CTTNBP2: variants seen among roughly 807,000 people sequenced by gnomAD.
CTTNBP2 encodes cortactin-binding protein 2.
A neutral mutation model predicts 156.9 loss-of-function variants in CTTNBP2; 108 were observed. The observed-to-expected ratio is 0.69, with a 90% CI of 0.59 to 0.81. The LOEUF is 0.81. CTTNBP2 is among the 30% of genes least tolerant of loss of function. The pLI is 0.00. For synonymous variants in CTTNBP2, 767 were observed against 751.8 expected (o/e 1.02, Z -0.33); for missense variants, 1,924 against 2,035.4 (o/e 0.95, Z 1.05).
rs140689749 is a variant in CTTNBP2 at position 117,768,033 on chromosome 7, G to A, written c.2779-857C>T. On this transcript the variant is annotated intron_variant, in intron 8 of 22. Transcript: ENST00000160373. ...AGGAGAAAAATGAATAGACCAGAAA[G>A]CATGAAAAGGAACTAATAACCAAAA... is the stretch of plus-strand genomic sequence containing the variant. Among the ~76,000 whole-genome samples, 13 of 151,890 alleles carry A rather than the reference G, an allele frequency of 8.6e-5. No homozygotes were observed. In the East Asian group the frequency reaches 2.5e-3, roughly 29 times the overall value.
Position 117,746,118 on chromosome 7 carries a change from G to A in CTTNBP2, c.3349-19C>T. ...GCTCAACCTATTAACAAACCAAGTA[G>A]AGAGCTAGGGTGAAGATGCTAAATT... On this transcript the variant is annotated intron_variant, in intron 12 of 22. Coordinates refer to ENST00000160373, the MANE Select transcript of CTTNBP2 (RefSeq NM_033427.3). 1 of 1,572,352 alleles carries A rather than the reference G, an allele frequency of 6.4e-7. No individual in the cohort carries two copies. The highest frequency in any genetic ancestry group is 1.1e-5 in the South Asian group (1 of 89,924).
chr7:117,810,472 C>T (rs975141083), intron 3 of CTTNBP2, among the ~76,000 whole-genome samples: 2 of 152,046 alleles, frequency 1.3e-5, no homozygotes, highest in African/African-American at 4.8e-5. Context: ...CTAGAAGGCA[C>T]TAGGAAGTCC....
chr7:117,807,075 T>C (rs773009790), intron 3 of CTTNBP2, among the ~76,000 whole-genome samples: 8 of 152,078 alleles, frequency 5.3e-5, no homozygotes, highest in Non-Finnish European at 7.4e-5. Flanking sequence ...TCTATCTACA[T>C]GGATCAGGCA....
At chr7:117,796,500 A>C (rs1799324658) in intron 3 of CTTNBP2, among the ~76,000 whole-genome samples, 1 of 152,204 alleles carries the variant, frequency 6.6e-6, no homozygotes, top group African/African-American at 2.4e-5. Context: ...AGAGAATAAG[A>C]GATGTAGTAC....
At chr7:117,738,008 A>C (rs188409382) in intron 14 of CTTNBP2, among the ~76,000 whole-genome samples, 70 of 152,312 alleles carry the variant, frequency 4.6e-4, no homozygotes, top group African/African-American at 1.7e-3. Context: ...GGTGAGCTAA[A>C]AGCTGATCCA....
intron 2 of CTTNBP2, among the ~76,000 whole-genome samples, chr7:117,849,594 A>C (rs1802811496): frequency 6.6e-6 from 1 of 152,052 alleles, no homozygotes; most frequent in African/African-American, 2.4e-5. Context: ...CCATCAGTCC[A>C]TACCCCTGTG....
At chr7:117,770,998 G>C (rs182905324) in intron 8 of CTTNBP2, among the ~76,000 whole-genome samples, 2 of 152,322 alleles carry the variant, frequency 1.3e-5, no homozygotes, top group East Asian at 3.9e-4. Flanking sequence ...TTAGGCCTCA[G>C]CTTTCACATG....
chr7:117,786,460 A>G (rs1240632816), intron 4 of CTTNBP2: 2 of 439,826 alleles, frequency 4.5e-6, no homozygotes, highest in Non-Finnish European at 9.1e-6. Context: ...AAACAGGCCC[A>G]CAAAAATTAA....
intron 1 of CTTNBP2, among the ~76,000 whole-genome samples, chr7:117,867,942 TA>T (rs1283434531): frequency 6.6e-6 from 1 of 152,146 alleles, no homozygotes; most frequent in African/African-American, 2.4e-5. Context: ...TGGATGTAAC[TA>T]ATTTTAGCTG....
At chr7:117,819,619 C>T (rs1350733808) in intron 2 of CTTNBP2, among the ~76,000 whole-genome samples, 4 of 152,116 alleles carry the variant, frequency 2.6e-5, no homozygotes, top group Admixed American at 2.6e-4. Flanking sequence ...TCAGACACTG[C>T]ATCTGTGTGT....
chr7:117,867,099 G>T (rs886837444), intron 1 of CTTNBP2, among the ~76,000 whole-genome samples: 1 of 152,070 alleles, frequency 6.6e-6, no homozygotes, highest in African/African-American at 2.4e-5. Flanking sequence ...TAATTGTAAG[G>T]GTTTTCATGA....
At chr7:117,823,212 AT>A (rs1359632853) in intron 2 of CTTNBP2, among the ~76,000 whole-genome samples, 1 of 152,176 alleles carries the variant, frequency 6.6e-6, no homozygotes, top group Admixed American at 6.5e-5. Context: ...CACAATGTTC[AT>A]TTCTTAAAAT....
intron 2 of CTTNBP2, among the ~76,000 whole-genome samples, chr7:117,837,278 C>T (rs1028901141): frequency 1.3e-5 from 2 of 152,148 alleles, no homozygotes; most frequent in African/African-American, 4.8e-5. Flanking sequence ...ACAACAAAAC[C>T]ACCAATAACA....
At chr7:117,713,750 T>C (rs1450363730) in intron 22 of CTTNBP2, 4 of 152,242 alleles carry the variant, frequency 2.6e-5, no homozygotes, top group Non-Finnish European at 4.4e-5. Flanking sequence ...AAACTACCCC[T>C]AAATCACCAA....
At position 117,791,140 on chromosome 7, in the gene CTTNBP2, C is replaced by T; in HGVS notation, c.2056G>A (p.Val686Ile). 3.7e-6 allele frequency: 6 copies of T among 1,613,438 alleles called. No homozygotes were observed. Among genetic ancestry groups the T allele is most frequent in the Non-Finnish European group, 5.1e-6 (6 of 1,179,532 alleles). The change falls in exon 4 of 23, where the codon GTA (valine) becomes ATA (isoleucine). Residue 686 changes from valine to isoleucine, a missense_variant. Val to Ile is a conservative substitution (Grantham distance 29, BLOSUM62 3). Transcript: ENST00000160373. The part of the protein sequence containing the change: ...CRPGASDSLL[V>I]TASGWSPSLT... ...TCAATCCCTTTACCTGATGCTGTTA[C>T]CAGGAGGCTGTCTGAGGCACCTGGT...
chr7:117,820,804 T>C (rs764244604), intron 2 of CTTNBP2, among the ~76,000 whole-genome samples: 2 of 152,210 alleles, frequency 1.3e-5, no homozygotes, highest in Non-Finnish European at 2.9e-5. Context: ...TTTAAATTGC[T>C]TTTGTTATTC....
chr7:117,749,080 C>T (rs1309114670), intron 12 of CTTNBP2, among the ~76,000 whole-genome samples: 5 of 152,146 alleles, frequency 3.3e-5, no homozygotes, highest in African/African-American at 4.8e-5. Flanking sequence ...ACCCAGTCTA[C>T]GATATTTTGT....
At chr7:117,762,773 A>G (rs1376930421) in intron 9 of CTTNBP2, among the ~76,000 whole-genome samples, 1 of 152,196 alleles carries the variant, frequency 6.6e-6, no homozygotes, top group East Asian at 1.9e-4. Context: ...AGATCAGGCC[A>G]CGCTCCACCC....
Position 117,791,898 on chromosome 7 carries a change from G to A in CTTNBP2, c.1298C>T (p.Ala433Val). The change falls in exon 4 of 23, where the codon GCC (alanine) becomes GTC (valine). Residue 433 changes from alanine to valine, a missense_variant. By Grantham distance (64) the Ala-to-Val change is moderately conservative. Transcript: ENST00000160373. ...PPMHSLHSPCANTSLHPGLNP... is the reference protein window; with the variant it reads ...PPMHSLHSPCVNTSLHPGLNP... ...TAGACCTGGATGCAAAGAGGTGTTG[G>A]CACATGGTGAATGTAAACTGTGCAT... 6.2e-7 allele frequency: 1 copy of A among 1,614,170 alleles called. No individual in the cohort carries two copies. Among genetic ancestry groups the A allele is most frequent in the Non-Finnish European group, 8.5e-7 (1 of 1,180,034 alleles).
Sources: gnomAD v4.1 joint callset for allele counts (sites outside exome capture counted in the v4.1 genomes callset) on GRCh38, gnomAD v4.1.1 for gene constraint, MANE v1.5 for transcripts, NCBI Gene and HGNC (gene_info 2026-07-23, HGNC 2026-07-21) for gene names.